The following MFNG variants were observed in gnomAD, a reference collection of about 807,000 sequenced individuals.
The protein encoded by MFNG is beta-1,3-N-acetylglucosaminyltransferase manic fringe.
In MFNG, 24 loss-of-function variants were observed where a neutral mutation model predicts 34.2. The observed-to-expected ratio is 0.70, with a 90% CI of 0.51 to 0.99. The LOEUF (loss-of-function observed/expected upper bound fraction) is 0.99. Ranked by LOEUF, MFNG falls within the 50% of genes least tolerant of loss-of-function variation. The probability of loss-of-function intolerance (pLI) is 0.00; values close to 1 mark genes in which losing one functional copy is unlikely to be tolerated. For missense variants in MFNG, 383 were observed against 424.0 expected (o/e 0.90, Z 0.85); for synonymous variants, 158 against 179.2 (o/e 0.88, Z 0.94).
chr22:37,478,188 T>G (rs1922126303), intron 4 of MFNG, among the ~76,000 whole-genome samples: 1 of 152,152 alleles, frequency 6.6e-6, no homozygotes, highest in African/African-American at 2.4e-5. Flanking sequence ...GCTCTTGGTT[T>G]TCCTAATGAA....
chr22:37,475,101 G>A (rs983044843), intron 5 of MFNG, among the ~76,000 whole-genome samples: 3 of 152,204 alleles, frequency 2.0e-5, no homozygotes, highest in Admixed American at 2.0e-4. Context: ...GACAGAGCAG[G>A]GAGCAGGTCT....
At position 37,469,800 on chromosome 22, in the gene MFNG, C is replaced by A. The variant is rs769517608; in HGVS notation, c.*163G>T. On this transcript the variant is annotated 3_prime_UTR_variant, in exon 8 of 8. Coordinates refer to ENST00000356998, the MANE Select transcript of MFNG (RefSeq NM_002405.4). Reference sequence around the variant, plus strand: ...ACTCACCTCCCAGGGGCCTGGGGTGCCTTCAGTGCCAATTGCCACTCAGAT... The same window carrying A: ...ACTCACCTCCCAGGGGCCTGGGGTGACTTCAGTGCCAATTGCCACTCAGAT... The A allele has an allele frequency of 1.3e-5, 9 of 716,594 alleles. No individual in the cohort carries two copies. In the African/African-American group the frequency reaches 1.4e-4, roughly 11 times the overall value. The allele number at this position is 716,594 out of a possible 1,614,324, so 44.4% of individuals were successfully genotyped here.
chr22:37,484,963 G>A (rs1922473555), intron 1 of MFNG, among the ~76,000 whole-genome samples: 1 of 148,422 alleles, frequency 6.7e-6, no homozygotes, highest in East Asian at 2.0e-4. Flanking sequence ...CCGCCAAAGA[G>A]GGGACCGATG....
Position 37,473,562 on chromosome 22 carries a change from C to G in MFNG, c.813+950G>C, listed in dbSNP as rs538158806. Among the ~76,000 whole-genome samples, 4 of 152,326 alleles carry G rather than the reference C, an allele frequency of 2.6e-5. No individual in the cohort carries two copies. The South Asian group carries it at 8.3e-4, about 32-fold the overall frequency. On this transcript the variant is annotated intron_variant, in intron 6 of 7. Transcript: ENST00000356998. ...CTTTCCTGGCTTCAGGCCCTGCCAT[C>G]CTAATGGGACCAACCTCACACCCCA...
At chr22:37,480,994 A>G in intron 1 of MFNG, 1 of 566,730 alleles carries the variant, frequency 1.8e-6, no homozygotes, top group South Asian at 2.1e-5. Context: ...CTAAACACAT[A>G]CACTCACCCC....
intron 3 of MFNG, 39 bp from the exon 4 acceptor site, chr22:37,479,537 G>C: frequency 6.2e-7 from 1 of 1,604,682 alleles, no homozygotes; most frequent in Non-Finnish European, 8.5e-7. Context: ...TTGTTGGGGG[G>C]GTTCCAAGCC....
At position 37,470,612 on chromosome 22, in the gene MFNG, A is replaced by G. The variant is rs573659526; in HGVS notation, c.900-583T>C. Among the ~76,000 whole-genome samples, 14 of 152,336 alleles carry G rather than the reference A, an allele frequency of 9.2e-5. No individual in the cohort carries two copies. In the East Asian group the frequency reaches 2.7e-3, roughly 29 times the overall value. ...TGAATTTTTGTTCCTATATCGAGCC[A>G]AATTCTATCTCCTTGTAATATCCAA... On this transcript the variant is annotated intron_variant, in intron 7 of 7. Transcript: ENST00000356998.
intron 6 of MFNG, among the ~76,000 whole-genome samples, chr22:37,473,383 C>T (rs11089843): frequency 0.11 from 16,232 of 151,700 alleles, 1,087 homozygotes; most frequent in East Asian, 0.24. Context: ...GAGCCAAAAT[C>T]GTGCCATTGT....
intron 1 of MFNG, 73 bp from the exon 2 acceptor site, chr22:37,480,842 C>T: frequency 4.5e-6 from 6 of 1,327,372 alleles, no homozygotes; most frequent in Non-Finnish European, 6.4e-6. Flanking sequence ...CAGCCCACCA[C>T]CACCAGGCCC....
chr22:37,486,327 G>T lies in MFNG; in HGVS notation c.-150C>A. 1.2e-6 allele frequency: 1 copy of T among 830,476 alleles called. No individual in the cohort carries two copies. The highest frequency in any genetic ancestry group is 1.7e-6 in the Non-Finnish European group (1 of 582,134). 51.4% of individuals were successfully genotyped at this position (830,476 alleles called of 1,614,324 possible). On this transcript the variant is annotated 5_prime_UTR_variant, in exon 1 of 8. Transcript: ENST00000356998. ...GGAAGAGGTAGGAGCTGAGGCTCTG[G>T]ACCCAGAGGCTGAGCCATGGCAGCA...
Position 37,482,859 on chromosome 22 carries a change from TG to T in MFNG, c.256-2091del, listed in dbSNP as rs1370906106. 2.0e-5 allele frequency among the ~76,000 whole-genome samples: 3 copies of T among 152,190 alleles called. No individual in the cohort carries two copies. Among genetic ancestry groups the T allele is most frequent in the Non-Finnish European group, 4.4e-5 (3 of 68,032 alleles). ...AGATTTAGCGAATGCTGGAGGTCTC[TG>T]GATTTCCGCAGGGGGAAATGGTGGT... On this transcript the variant is annotated intron_variant, in intron 1 of 7. Transcript: ENST00000356998. This position sits in a 1 kb window ranked among gnomAD's most constrained non-coding sequence, Gnocchi z 4.1.
At position 37,483,304 on chromosome 22, in the gene MFNG, T is replaced by G. The variant is rs533071674; in HGVS notation, c.256-2535A>C. On this transcript the variant is annotated intron_variant, in intron 1 of 7. Coordinates refer to ENST00000356998, the MANE Select transcript of MFNG (RefSeq NM_002405.4). The surrounding 1 kb of genome is among the most constrained non-coding windows in gnomAD (Gnocchi z 4.5). ...CTGCTGCCTGCTTTGCTGCAGGCCCTCCTCCCTGGCCTCCCTGCTCCCTGC... is the reference window on the plus strand; with the variant it reads ...CTGCTGCCTGCTTTGCTGCAGGCCCGCCTCCCTGGCCTCCCTGCTCCCTGC... Among the ~76,000 whole-genome samples, 55 of 152,168 alleles carry G rather than the reference T, an allele frequency of 3.6e-4. No homozygotes were observed. Among genetic ancestry groups the G allele is most frequent in the Admixed American group, 2.9e-3 (44 of 15,282 alleles).
At position 37,485,784 on chromosome 22, in the gene MFNG, A is replaced by G; in HGVS notation, c.255+139T>C. 9.2e-7 allele frequency: 1 copy of G among 1,088,068 alleles called. No individual in the cohort carries two copies. Among genetic ancestry groups the G allele is most frequent in the Non-Finnish European group, 1.3e-6 (1 of 774,080 alleles). The allele number at this position is 1,088,068 out of a possible 1,614,324, so 67.4% of individuals were successfully genotyped here. On this transcript the variant is annotated intron_variant, in intron 1 of 7. Coordinates refer to ENST00000356998, the MANE Select transcript of MFNG (RefSeq NM_002405.4). The surrounding 1 kb of genome is among the most constrained non-coding windows in gnomAD (Gnocchi z 5.3). ...CCCCTAAAGCCCGGAAGAAGGAGAG[A>G]GGAAGAGGATCCCTGATTAGGCAGG... is the stretch of plus-strand genomic sequence containing the variant.
At chr22:37,484,028 C>T (rs1922416567) in intron 1 of MFNG, among the ~76,000 whole-genome samples, 1 of 152,174 alleles carries the variant, frequency 6.6e-6, no homozygotes, top group Admixed American at 6.5e-5. Flanking sequence ...CAAAGGGACA[C>T]GCAGCCTGCT....
rs574211708 is a variant in MFNG at position 37,482,868 on chromosome 22, G to A, written c.256-2099C>T. ...GAATGCTGGAGGTCTCTGGATTTCC[G>A]CAGGGGGAAATGGTGGTGGTCCAAG... On this transcript the variant is annotated intron_variant, in intron 1 of 7. Transcript: ENST00000356998. This position sits in a 1 kb window ranked among gnomAD's most constrained non-coding sequence, Gnocchi z 4.1. Among the ~76,000 whole-genome samples, 4 of 152,104 alleles carry A rather than the reference G, an allele frequency of 2.6e-5. No individual in the cohort carries two copies. The highest frequency in any genetic ancestry group is 6.6e-5 in the Admixed American group (1 of 15,266).
In MFNG at chr22:37,479,869, T is replaced by C. The variant is rs558938109; in HGVS notation, c.407+328A>G. Among the ~76,000 whole-genome samples, 6 of 152,228 alleles carry C rather than the reference T, an allele frequency of 3.9e-5. No homozygotes were observed. In the East Asian group the frequency reaches 9.7e-4, roughly 24 times the overall value. ...AATTACAAAAGTTAGCCAGGCATGATGGTGGGCATCTGTCATCCCAGCTAC... is the reference window on the plus strand; with the variant it reads ...AATTACAAAAGTTAGCCAGGCATGACGGTGGGCATCTGTCATCCCAGCTAC... On this transcript the variant is annotated intron_variant, in intron 3 of 7. Coordinates refer to ENST00000356998, the MANE Select transcript of MFNG (RefSeq NM_002405.4).
chr22:37,479,394 C>G lies in MFNG; in HGVS notation c.512G>C (p.Ser171Thr). The G allele has an allele frequency of 6.2e-7, 1 of 1,608,398 alleles. No individual in the cohort carries two copies. Among genetic ancestry groups the G allele is most frequent in the Non-Finnish European group, 8.5e-7 (1 of 1,177,276 alleles). Reference sequence around the variant, plus strand: ...TGAGGCATGGATGGGCCGGTTCAGGCTGGGCCTTCCCACATAGACGTCGCG... The same window carrying G: ...TGAGGCATGGATGGGCCGGTTCAGGGTGGGCCTTCCCACATAGACGTCGCG... ...LARDVYVGRP[S>T]LNRPIHASEP... The change falls in exon 4 of 8, where the codon AGC (serine) becomes ACC (threonine). Residue 171 changes from serine to threonine, a missense_variant. By Grantham distance (58) the Ser-to-Thr change is moderately conservative. Transcript: ENST00000356998.
At position 37,469,474 on chromosome 22, in the gene MFNG, G is replaced by A. The variant is rs754010433; in HGVS notation, c.*489C>T. On this transcript the variant is annotated 3_prime_UTR_variant, in exon 8 of 8. Coordinates refer to ENST00000356998, the MANE Select transcript of MFNG (RefSeq NM_002405.4). Reference sequence around the variant, plus strand: ...CTGGTTGGCAACAACAGCAGGTGCTGCAGACCCTGGATTCTGCCATCATTC... The same window carrying A: ...CTGGTTGGCAACAACAGCAGGTGCTACAGACCCTGGATTCTGCCATCATTC... The A allele has an allele frequency of 3.9e-6, 1 of 258,306 alleles. No individual in the cohort carries two copies. Among genetic ancestry groups the A allele is most frequent in the African/African-American group, 2.2e-5 (1 of 44,900 alleles). The allele number at this position is 258,306 out of a possible 1,614,324, so 16.0% of individuals were successfully genotyped here.
chr22:37,484,630 G>C (rs5756691), intron 1 of MFNG: 11,247 of 152,356 alleles, frequency 0.074, 600 homozygotes, highest in East Asian at 0.26. Flanking sequence ...AGACAGGAAA[G>C]GGCCGTGGGC....
Sources: allele counts gnomAD v4.1 joint callset (sites outside exome capture counted in the v4.1 genomes callset), GRCh38; gene constraint gnomAD v4.1.1; non-coding constraint Gnocchi (gnomAD v3.1); transcripts MANE v1.5; gene names NCBI Gene and HGNC (gene_info 2026-07-23, HGNC 2026-07-21).